Variants in RABGAP1L observed in about 807,000 individuals in gnomAD.
RABGAP1L encodes the protein RAB GTPase activating protein 1 like, also known as rab GTPase-activating protein 1-like.
A neutral mutation model predicts 137.7 loss-of-function variants in RABGAP1L; 63 were observed. The ratio of observed to expected loss-of-function variants is 0.46; its 90% CI spans 0.37 to 0.56. The LOEUF (loss-of-function observed/expected upper bound fraction) is 0.56, where lower values mean the gene tolerates loss of function less well. Ranked by LOEUF, RABGAP1L falls within the 20% of genes least tolerant of loss-of-function variation. RABGAP1L has a pLI of 0.00. For synonymous variants in RABGAP1L, 431 were observed against 433.7 expected, an observed-to-expected ratio of 0.99 and a Z score of 0.08; for missense variants, 1,095 against 1,244.0, an observed-to-expected ratio of 0.88 and a Z score of 1.80.
chr1:174,211,129 T>C (rs935715903), intron 1 of RABGAP1L, among the ~76,000 whole-genome samples: 15 of 152,092 alleles, frequency 9.9e-5, no homozygotes, highest in African/African-American at 3.6e-4. Context: ...TTAATGAGCA[T>C]TAAGAAATTA....
chr1:174,608,951 T>C (rs891791554), intron 13 of RABGAP1L, among the ~76,000 whole-genome samples: 39 of 152,146 alleles, frequency 2.6e-4, no homozygotes, highest in African/African-American at 8.9e-4. Flanking sequence ...TATTGAATAA[T>C]ATTCTCTATT....
At chr1:174,850,053 A>G (rs1647995738) in intron 19 of RABGAP1L, 1 of 560,488 alleles carries the variant, frequency 1.8e-6, no homozygotes, top group Non-Finnish European at 3.5e-6. Context: ...CTCTTGCAGG[A>G]GGCTGTTGGT....
At position 174,989,829 on chromosome 1, in the gene RABGAP1L, G is replaced by T. The variant is rs904450910; in HGVS notation, c.3004-20G>T. The T allele has an allele frequency of 1.2e-5, 18 of 1,546,198 alleles. No individual in the cohort carries two copies. The highest frequency in any genetic ancestry group is 1.6e-5 in the Non-Finnish European group (18 of 1,144,230). On this transcript the variant is annotated intron_variant, in intron 25 of 25. Coordinates refer to ENST00000681986, the MANE Select transcript of RABGAP1L (RefSeq NM_001366446.1). ...GAGAAAACATTTATTTAACTCAGATGATTTTCTTGCTTTAATTAGGAACTT... is the reference window on the plus strand; with the variant it reads ...GAGAAAACATTTATTTAACTCAGATTATTTTCTTGCTTTAATTAGGAACTT...
At chr1:174,350,587 G>C (rs1046398411) in intron 11 of RABGAP1L, among the ~76,000 whole-genome samples, 3 of 114,288 alleles carry the variant, frequency 2.6e-5, no homozygotes, top group African/African-American at 1.0e-4. Flanking sequence ...GCCGGGCAGA[G>C]ACGCTCCTCA....
intron 19 of RABGAP1L, chr1:174,874,590 T>G: frequency 1.3e-6 from 1 of 760,458 alleles, no homozygotes; most frequent in African/African-American, 1.9e-5. Context: ...TTTTTTTTTT[T>G]TTTTTTTTTT....
intron 4 of RABGAP1L, among the ~76,000 whole-genome samples, chr1:174,239,372 T>C (rs1671583555): frequency 6.6e-6 from 1 of 152,224 alleles, no homozygotes; most frequent in African/African-American, 2.4e-5. Context: ...CCAGTTATAC[T>C]AGCCTCTGTA....
intron 13 of RABGAP1L, among the ~76,000 whole-genome samples, chr1:174,589,166 CATT>C (rs1669358904): frequency 6.6e-6 from 1 of 152,176 alleles, no homozygotes; most frequent in South Asian, 2.1e-4. Flanking sequence ...GATGATATCT[CATT>C]GTAGTTTTAA....
intron 7 of RABGAP1L, among the ~76,000 whole-genome samples, chr1:174,264,704 A>G (rs750388584): frequency 6.6e-6 from 1 of 152,132 alleles, no homozygotes; most frequent in East Asian, 1.9e-4. Context: ...CTCTACATCT[A>G]ATTCTTCATT....
intron 19 of RABGAP1L, among the ~76,000 whole-genome samples, chr1:174,891,236 A>G (rs1656089548): frequency 6.6e-6 from 1 of 152,256 alleles, no homozygotes; most frequent in Non-Finnish European, 1.5e-5. Flanking sequence ...CGGGATAGAA[A>G]GATGGCACAA....
intron 1 of RABGAP1L, among the ~76,000 whole-genome samples, chr1:174,176,916 A>G (rs1355481266): frequency 6.6e-6 from 1 of 151,078 alleles, no homozygotes; most frequent in Admixed American, 6.6e-5. Flanking sequence ...TTTACTGAAA[A>G]TACAAAAAAA....
chr1:174,311,076 A>G (rs1251786882), intron 11 of RABGAP1L, among the ~76,000 whole-genome samples: 2 of 152,044 alleles, frequency 1.3e-5, no homozygotes, highest in Non-Finnish European at 2.9e-5. Context: ...AGCCCCTGGT[A>G]ACCATCTGTA....
chr1:174,858,219 G>A (rs1342436079), intron 19 of RABGAP1L, among the ~76,000 whole-genome samples: 5 of 151,958 alleles, frequency 3.3e-5, no homozygotes, highest in African/African-American at 4.8e-5. Context: ...GTCTCACTAC[G>A]TTACTTATAC....
At chr1:174,375,373 T>G (rs1369907511) in intron 12 of RABGAP1L, among the ~76,000 whole-genome samples, 1 of 151,474 alleles carries the variant, frequency 6.6e-6, no homozygotes. Context: ...AGAACAGAAA[T>G]AAATGGAATT....
chr1:174,334,137 T>G (rs1423337530), intron 11 of RABGAP1L, among the ~76,000 whole-genome samples: 1 of 152,194 alleles, frequency 6.6e-6, no homozygotes, highest in South Asian at 2.1e-4. Flanking sequence ...CTAAATACTT[T>G]CGCTTCTTTC....
At chr1:174,613,234 C>T (rs1671445374) in intron 13 of RABGAP1L, among the ~76,000 whole-genome samples, 2 of 151,934 alleles carry the variant, frequency 1.3e-5, no homozygotes, top group East Asian at 3.8e-4. Flanking sequence ...TTGAATGTGT[C>T]CCAGAGATTC....
intron 17 of RABGAP1L, among the ~76,000 whole-genome samples, chr1:174,711,308 G>C (rs1229503540): frequency 6.6e-6 from 1 of 152,172 alleles, no homozygotes; most frequent in African/African-American, 2.4e-5. Flanking sequence ...TGGGCTGAAG[G>C]GCTCCTCAAG....
At chr1:174,328,430 A>G (rs1680739366) in intron 11 of RABGAP1L, among the ~76,000 whole-genome samples, 1 of 152,072 alleles carries the variant, frequency 6.6e-6, no homozygotes. Flanking sequence ...TAAACAATAT[A>G]CTCCTGAACA....
chr1:174,310,277 ATTAAT>A (rs1678702413), intron 11 of RABGAP1L, among the ~76,000 whole-genome samples: 1 of 152,028 alleles, frequency 6.6e-6, no homozygotes, highest in East Asian at 1.9e-4. Context: ...TTTTTCTGTT[ATTAAT>A]TTGTTGTTTT....
intron 13 of RABGAP1L, among the ~76,000 whole-genome samples, chr1:174,632,838 A>G (rs1227121562): frequency 6.7e-6 from 1 of 149,722 alleles, no homozygotes; most frequent in Non-Finnish European, 1.5e-5. Flanking sequence ...TTTGGTTTGA[A>G]TGTCCTCCCG....
Sources: gnomAD v4.1 joint callset for allele counts (sites outside exome capture counted in the v4.1 genomes callset) on GRCh38, gnomAD v4.1.1 for gene constraint, MANE v1.5 for transcripts, NCBI Gene and HGNC (gene_info 2026-07-23, HGNC 2026-07-21) for gene names.